Variants in CSMD1 observed in about 807,000 individuals in gnomAD.
The protein encoded by CSMD1 is CUB and sushi domain-containing protein 1.
CSMD1 carries 213 observed loss-of-function variants against 417.5 expected under a neutral mutation model. That is an observed-to-expected ratio of 0.51 (90% CI 0.46 to 0.57). The LOEUF (loss-of-function observed/expected upper bound fraction) is 0.57, where lower values mean the gene tolerates loss of function less well. Ranked by LOEUF, CSMD1 falls within the 20% of genes least tolerant of loss-of-function variation. CSMD1 has a pLI of 0.00. For missense variants in CSMD1, 6,923 were observed against 4,529.7 expected (o/e 1.53, Z -15.17); for synonymous variants, 2,862 against 1,736.8 (o/e 1.65, Z -16.11).
chr8:3,890,909 T>C (rs1806928977), intron 5 of CSMD1, among the ~76,000 whole-genome samples: 1 of 152,134 alleles, frequency 6.6e-6, no homozygotes, highest in Non-Finnish European at 1.5e-5. Flanking sequence ...TACTCTCTCA[T>C]AGGACTATGT....
At chr8:3,819,440 G>A (rs1457198149) in intron 5 of CSMD1, among the ~76,000 whole-genome samples, 1 of 152,024 alleles carries the variant, frequency 6.6e-6, no homozygotes, top group Non-Finnish European at 1.5e-5. Flanking sequence ...AAAGTTGGAA[G>A]CTAGAAGTGC....
intron 3 of CSMD1, among the ~76,000 whole-genome samples, chr8:4,081,569 T>C (rs1428328061): frequency 3.9e-5 from 6 of 152,138 alleles, no homozygotes; most frequent in Non-Finnish European, 7.4e-5. Flanking sequence ...GTTGACCTAG[T>C]TGACCCAGAA....
At chr8:3,415,014 C>A (rs1813042057) in intron 12 of CSMD1, among the ~76,000 whole-genome samples, 1 of 152,296 alleles carries the variant, frequency 6.6e-6, no homozygotes, top group African/African-American at 2.4e-5. Flanking sequence ...ATTGTTAAAT[C>A]TGTAGCACCT....
chr8:4,797,169 G>A (rs1184210268), intron 1 of CSMD1, among the ~76,000 whole-genome samples: 3 of 152,174 alleles, frequency 2.0e-5, no homozygotes. Context: ...CAGCATCTCA[G>A]GCTCCAGGCA....
At chr8:4,304,175 A>T (rs1274803134) in intron 3 of CSMD1, among the ~76,000 whole-genome samples, 1 of 152,190 alleles carries the variant, frequency 6.6e-6, no homozygotes, top group Non-Finnish European at 1.5e-5. Context: ...AAACCAATTC[A>T]AATTTGGGAG....
intron 6 of CSMD1, among the ~76,000 whole-genome samples, chr8:3,716,321 T>G (rs1438287713): frequency 6.6e-6 from 1 of 152,174 alleles, no homozygotes; most frequent in Admixed American, 6.5e-5. Context: ...GCAAGTTTAT[T>G]GAGAAAATAG....
chr8:4,406,628 C>A, intron 3 of CSMD1, among the ~76,000 whole-genome samples: 1 of 152,296 alleles, frequency 6.6e-6, no homozygotes. Context: ...GAGGCTGGGA[C>A]TGGCCACACA....
chr8:3,703,398 G>T (rs894185430), intron 7 of CSMD1, among the ~76,000 whole-genome samples: 3 of 102,804 alleles, frequency 2.9e-5, no homozygotes, highest in Non-Finnish European at 5.7e-5. Flanking sequence ...AGAATCTATA[G>T]GGCTTTTGTT....
At chr8:4,874,619 G>C (rs1198826505) in intron 1 of CSMD1, among the ~76,000 whole-genome samples, 1 of 151,722 alleles carries the variant, frequency 6.6e-6, no homozygotes, top group Non-Finnish European at 1.5e-5. Flanking sequence ...TCGAACTCCT[G>C]ACCTCAGGTG....
chr8:4,506,178 T>C (rs1464500789), intron 2 of CSMD1, among the ~76,000 whole-genome samples: 4 of 152,104 alleles, frequency 2.6e-5, no homozygotes, highest in East Asian at 3.9e-4. Context: ...GTTTTTGCTA[T>C]TGAAAATAAT....
intron 52 of CSMD1, among the ~76,000 whole-genome samples, chr8:3,002,605 G>A (rs893945220): frequency 4.6e-5 from 7 of 152,176 alleles, no homozygotes; most frequent in Non-Finnish European, 8.8e-5. Context: ...CTCATTTTAG[G>A]GAATCTGTTC....
intron 1 of CSMD1, among the ~76,000 whole-genome samples, chr8:4,897,901 C>A (rs1312762725): frequency 6.6e-6 from 1 of 152,014 alleles, no homozygotes; most frequent in Non-Finnish European, 1.5e-5. Context: ...CAGAGCAAGG[C>A]GTGGCTTTGT....
rs374851032 is a variant in CSMD1 at position 3,636,537 on chromosome 8, C to G, written c.1010-19740G>C. ...AGTCAAACCCCTTTTACTTAACCTA[C>G]CATCTGTTCCTGAGGAATGTACATG... On this transcript the variant is annotated intron_variant, in intron 7 of 69. Transcript: ENST00000635120. Among the ~76,000 whole-genome samples, 3 of 152,176 alleles carry G rather than the reference C, an allele frequency of 2.0e-5. No homozygotes were observed. The South Asian group carries it at 6.2e-4, about 31-fold the overall frequency.
intron 50 of CSMD1, among the ~76,000 whole-genome samples, chr8:3,050,403 T>A (rs1379309026): frequency 6.6e-6 from 1 of 152,174 alleles, no homozygotes; most frequent in Non-Finnish European, 1.5e-5. Context: ...AAATACAGAC[T>A]TTAAAAATGG....
chr8:4,607,544 C>T (rs1800941636), intron 2 of CSMD1, among the ~76,000 whole-genome samples: 2 of 152,140 alleles, frequency 1.3e-5, no homozygotes, highest in South Asian at 2.1e-4. Flanking sequence ...TGAATTTGAC[C>T]TAGGTTTCAA....
chr8:3,926,092 C>CACAAACACCAT (rs1809674021), intron 5 of CSMD1, among the ~76,000 whole-genome samples: 5 of 49,508 alleles, frequency 1.0e-4, no homozygotes, highest in African/African-American at 5.4e-4. Context: ...TACACACACA[C>CACAAACACCAT]ACACACACAC....
chr8:3,525,753 T>C (rs1388547805), intron 10 of CSMD1, among the ~76,000 whole-genome samples: 1 of 152,180 alleles, frequency 6.6e-6, no homozygotes, highest in Non-Finnish European at 1.5e-5. Flanking sequence ...TCAAAGGAAA[T>C]GAATGGGAAC....
chr8:4,809,546 G>A (rs1396763694), intron 1 of CSMD1, among the ~76,000 whole-genome samples: 2 of 152,146 alleles, frequency 1.3e-5, no homozygotes, highest in Non-Finnish European at 2.9e-5. Context: ...GAGGCCTTAG[G>A]TTTAAAAGCC....
chr8:4,406,933 G>A (rs1441256598), intron 3 of CSMD1, among the ~76,000 whole-genome samples: 1 of 152,142 alleles, frequency 6.6e-6, no homozygotes, highest in Non-Finnish European at 1.5e-5. Context: ...ACAAGACCAA[G>A]CTGACTTAAA....
Sources: gnomAD v4.1 joint callset for allele counts (sites outside exome capture counted in the v4.1 genomes callset) on GRCh38, gnomAD v4.1.1 for gene constraint, MANE v1.5 for transcripts, NCBI Gene and HGNC (gene_info 2026-07-23, HGNC 2026-07-21) for gene names.